AGBL1: variants seen among roughly 807,000 people sequenced by gnomAD.
The protein encoded by AGBL1 is AGBL carboxypeptidase 1, also known as cytosolic carboxypeptidase 4.
Under a neutral mutation model 118.9 loss-of-function variants are expected in AGBL1, and 130 were observed. The ratio of observed to expected loss-of-function variants is 1.09; its 90% CI spans 0.95 to 1.26. The LOEUF is 1.26. Among genes scored for constraint, AGBL1 ranks in the 50% most tolerant of loss-of-function variants. The pLI is 0.00. For synonymous variants in AGBL1, 555 were observed against 478.9 expected (o/e 1.16, Z -2.08); for missense variants, 1,584 against 1,298.1 (o/e 1.22, Z -3.38).
chr15:86,271,748 A>T, intron 15 of AGBL1, 42 bp downstream of exon 15: 1 of 1,529,492 alleles, frequency 6.5e-7, no homozygotes, highest in Admixed American at 1.7e-5. Flanking sequence ...CTGTCCTGTA[A>T]TTTTCTCTCA....
intron 7 of AGBL1, among the ~76,000 whole-genome samples, chr15:86,256,405 G>A (rs547060484): frequency 1.3e-5 from 2 of 152,250 alleles, no homozygotes; most frequent in South Asian, 4.2e-4. Flanking sequence ...CTCCACAGAA[G>A]ACAGCTGAAA....
chr15:86,825,887 GGATA>G (rs61494287), intron 22 of AGBL1, among the ~76,000 whole-genome samples: 13,671 of 143,976 alleles, frequency 0.095, 863 homozygotes, highest in African/African-American at 0.17. Flanking sequence ...ATAGATGGAT[GGATA>G]GATAGATAGA....
chr15:86,165,821 G>C (rs772711297), intron 5 of AGBL1, among the ~76,000 whole-genome samples: 8 of 152,106 alleles, frequency 5.3e-5, no homozygotes, highest in African/African-American at 1.7e-4. Context: ...CCTCACAAGC[G>C]CTGATATTGG....
chr15:86,556,386 C>A, intron 21 of AGBL1: 2 of 1,009,726 alleles, frequency 2.0e-6, no homozygotes, highest in South Asian at 1.4e-5. Context: ...AAAGCCCTAA[C>A]AGTGCCAGAC....
At chr15:86,960,604 C>A (rs529317246) in intron 23 of AGBL1, among the ~76,000 whole-genome samples, 1 of 151,954 alleles carries the variant, frequency 6.6e-6, no homozygotes, top group Admixed American at 6.6e-5. Context: ...ATCCAGAAAT[C>A]CTAATACTGG....
chr15:86,786,002 T>C (rs2078406975), intron 22 of AGBL1, among the ~76,000 whole-genome samples: 1 of 152,186 alleles, frequency 6.6e-6, no homozygotes, highest in Non-Finnish European at 1.5e-5. Flanking sequence ...ATCAGGTAGT[T>C]TGTGTACAAA....
intron 5 of AGBL1, among the ~76,000 whole-genome samples, chr15:86,159,575 C>A (rs1169364384): frequency 6.6e-6 from 1 of 152,002 alleles, no homozygotes; most frequent in Admixed American, 6.6e-5. Flanking sequence ...GAAACTCAGC[C>A]TGTTCTCCCT....
intron 22 of AGBL1, among the ~76,000 whole-genome samples, chr15:86,724,160 C>T (rs9744334): frequency 0.099 from 13,839 of 140,066 alleles, 826 homozygotes; most frequent in East Asian, 0.25. Context: ...GGCGTGAATC[C>T]GGGAGGCCGA....
At position 86,908,111 on chromosome 15, in the gene AGBL1, C is replaced by T. The variant is rs2080304851; in HGVS notation, c.*817C>T. On this transcript the variant is annotated 3_prime_UTR_variant, in exon 23 of 23. Transcript: ENST00000614907. ...AATTTAGGCAAGTAATTAAATTTTC[C>T]TAAACTTCAGTTTTCTTATATATAA... 1 of 151,852 alleles carries T rather than the reference C, an allele frequency of 6.6e-6. No individual in the cohort carries two copies. Among genetic ancestry groups the T allele is most frequent in the African/African-American group, 2.4e-5 (1 of 41,194 alleles). The allele number at this position is 151,852 out of a possible 1,614,324, so 9.4% of individuals were successfully genotyped here.
chr15:86,571,434 C>G (rs1163887173), intron 21 of AGBL1, among the ~76,000 whole-genome samples: 1 of 152,076 alleles, frequency 6.6e-6, no homozygotes, highest in African/African-American at 2.4e-5. Context: ...CTCAGAGGGC[C>G]CACAGTAGGC....
At chr15:86,548,699 C>A (rs916234179) in intron 20 of AGBL1, among the ~76,000 whole-genome samples, 12 of 136,900 alleles carry the variant, frequency 8.8e-5, no homozygotes, top group Non-Finnish European at 1.4e-4. Flanking sequence ...ACACACACAG[C>A]CAGAAATTTA....
chr15:86,902,046 G>A (rs902207060), intron 22 of AGBL1, among the ~76,000 whole-genome samples: 26 of 152,000 alleles, frequency 1.7e-4, no homozygotes, highest in Admixed American at 6.5e-4. Context: ...TCCAGGTTTG[G>A]GCTATTACAA....
At chr15:86,716,485 G>A (rs1314045831) in intron 22 of AGBL1, among the ~76,000 whole-genome samples, 1 of 152,130 alleles carries the variant, frequency 6.6e-6, no homozygotes, top group Non-Finnish European at 1.5e-5. Context: ...TGTGTCATTG[G>A]TAGTCACTGC....
intron 22 of AGBL1, among the ~76,000 whole-genome samples, chr15:86,694,378 T>C (rs2198307): frequency 0.37 from 56,387 of 151,868 alleles, 12,701 homozygotes; most frequent in Non-Finnish European, 0.52. Context: ...TGTTGAGTTA[T>C]TGATTTGATT....
At position 86,903,438 on chromosome 15, in the gene AGBL1, C is replaced by A. The variant is rs189403215; in HGVS notation, c.3159-3649C>A. On this transcript the variant is annotated intron_variant, in intron 22 of 22. Coordinates refer to ENST00000614907, the MANE Select transcript of AGBL1 (RefSeq NM_001386094.1). ...TTTTTTTCATTTGTTTCATGTGTGT[C>A]CATAATTACTTATGGCAACACTTAT... Among the ~76,000 whole-genome samples, 31 of 151,988 alleles carry A rather than the reference C, an allele frequency of 2.0e-4. No individual in the cohort carries two copies. In the East Asian group the frequency reaches 5.8e-3, roughly 28 times the overall value.
intron 18 of AGBL1, among the ~76,000 whole-genome samples, chr15:86,465,053 G>C (rs941207184): frequency 5.3e-5 from 8 of 152,060 alleles, no homozygotes; most frequent in African/African-American, 1.9e-4. Context: ...TCAAATGTAG[G>C]TTTTGTTGTT....
intron 22 of AGBL1, among the ~76,000 whole-genome samples, chr15:86,875,191 G>A (rs1457003314): frequency 6.6e-6 from 1 of 152,076 alleles, no homozygotes; most frequent in East Asian, 1.9e-4. Flanking sequence ...ACAATAAAAG[G>A]GTGAAATCCA....
At chr15:86,524,877 C>A (rs1328101219) in intron 19 of AGBL1, among the ~76,000 whole-genome samples, 1 of 152,062 alleles carries the variant, frequency 6.6e-6, no homozygotes, top group African/African-American at 2.4e-5. Context: ...TCTTAAGAAT[C>A]CTCATTCTGA....
rs573653419 is a variant in AGBL1 at position 86,978,849 on chromosome 15, C to A, written c.3222-9138C>A. ...GCCTATTTTCTCCTTGGAAATAAAT[C>A]TGAACTTACATAGTCCAGTGGATCC... On this transcript the variant is annotated intron_variant, in intron 23 of 24. Coordinates refer to the AGBL1 transcript ENST00000441037. Among the ~76,000 whole-genome samples the A allele has an allele frequency of 3.9e-5, 6 of 152,296 alleles. No homozygotes were observed. In the South Asian group the frequency reaches 1.0e-3, roughly 26 times the overall value.
Sources: gnomAD v4.1 joint callset for allele counts (sites outside exome capture counted in the v4.1 genomes callset) on GRCh38, gnomAD v4.1.1 for gene constraint, MANE v1.5 for transcripts, NCBI Gene and HGNC (gene_info 2026-07-23, HGNC 2026-07-21) for gene names.